The following AMOTL1 variants were observed in gnomAD, a reference collection of about 807,000 sequenced individuals.
AMOTL1 encodes the protein angiomotin like 1.
A neutral mutation model predicts 102.9 loss-of-function variants in AMOTL1; 45 were observed. That is an observed-to-expected ratio of 0.44 (90% CI 0.34 to 0.56). The LOEUF is 0.56. Ranked by LOEUF, AMOTL1 falls within the 20% of genes least tolerant of loss-of-function variation. The pLI, the probability that AMOTL1 is intolerant of heterozygous loss-of-function variation, is 0.01. For synonymous variants in AMOTL1, 481 were observed against 484.7 expected (o/e 0.99, Z 0.10); for missense variants, 1,114 against 1,225.6 (o/e 0.91, Z 1.36).
intron 1 of AMOTL1, among the ~76,000 whole-genome samples, chr11:94,769,527 C>T (rs1950913660): frequency 6.6e-6 from 1 of 152,242 alleles, no homozygotes; most frequent in African/African-American, 2.4e-5. Context: ...GCTCCCGCGC[C>T]TCGCCCACCC....
intron 4 of AMOTL1, among the ~76,000 whole-genome samples, chr11:94,824,409 G>T (rs1359559632): frequency 6.6e-6 from 1 of 152,180 alleles, no homozygotes; most frequent in Middle Eastern, 3.2e-3. Context: ...GACGTTACAT[G>T]AGGACTTACT....
At chr11:94,724,234 A>G (rs1389635314) in intron 1 of AMOTL1, among the ~76,000 whole-genome samples, 1 of 152,142 alleles carries the variant, frequency 6.6e-6, no homozygotes, top group Non-Finnish European at 1.5e-5. Context: ...GACTCACTGA[A>G]GAAGGAGGTC....
chr11:94,764,476 T>G (rs988202481), upstream of AMOTL1, among the ~76,000 whole-genome samples: 23 of 152,216 alleles, frequency 1.5e-4, no homozygotes, highest in African/African-American at 5.3e-4. Flanking sequence ...AGCATTTTGA[T>G]CAAAGCAGCC....
intron 2 of AMOTL1, among the ~76,000 whole-genome samples, chr11:94,795,439 G>A (rs1273689752): frequency 1.3e-5 from 2 of 152,076 alleles, no homozygotes; most frequent in Non-Finnish European, 2.9e-5. Flanking sequence ...GTTTTTCTCT[G>A]ATTCCTAAAT....
intron 2 of AMOTL1, among the ~76,000 whole-genome samples, chr11:94,737,627 C>T (rs988190872): frequency 6.6e-6 from 1 of 152,192 alleles, no homozygotes; most frequent in Non-Finnish European, 1.5e-5. Flanking sequence ...GATCCCAAGG[C>T]CTTCTATAGG....
intron 6 of AMOTL1, among the ~76,000 whole-genome samples, chr11:94,840,612 G>C (rs993481215): frequency 6.9e-6 from 1 of 145,678 alleles, no homozygotes; most frequent in Non-Finnish European, 1.5e-5. Flanking sequence ...GGCAAGCTTT[G>C]ATTAAGCCAT....
intron 2 of AMOTL1, among the ~76,000 whole-genome samples, chr11:94,798,139 T>C (rs571333320): frequency 1.1e-4 from 16 of 152,244 alleles, no homozygotes; most frequent in Non-Finnish European, 1.8e-4. Flanking sequence ...TCTTCCCGCC[T>C]GGGGGCCTCG....
intron 8 of AMOTL1, among the ~76,000 whole-genome samples, chr11:94,854,896 T>C (rs1399265779): frequency 1.3e-5 from 2 of 152,206 alleles, no homozygotes; most frequent in Non-Finnish European, 1.5e-5. Flanking sequence ...CTATTCCTGC[T>C]GCCTGTCCTT....
chr11:94,741,291 G>A (rs1262911347), intron 3 of AMOTL1, among the ~76,000 whole-genome samples: 1 of 152,070 alleles, frequency 6.6e-6, no homozygotes, highest in East Asian at 1.9e-4. Flanking sequence ...GTGCTGCTCC[G>A]AGGAGCCTGG....
chr11:94,710,007 C>T lies in AMOTL1; in HGVS notation c.-51+3410C>T, dbSNP rs939989238. On this transcript the variant is annotated intron_variant, in intron 1 of 4. Coordinates refer to the AMOTL1 transcript ENST00000299004. ...AGACTCATTTACTAACTCGTTTTAC[C>T]GTTATAATAAAATCAGGGAAAAAAC... 4.8e-4 allele frequency among the ~76,000 whole-genome samples: 73 copies of T among 152,090 alleles called. 1 individual carries two copies. Among genetic ancestry groups the T allele is most frequent in the Admixed American group, 3.6e-3 (55 of 15,264 alleles).
intron 2 of AMOTL1, chr11:94,740,813 G>A: frequency 1.4e-6 from 1 of 723,006 alleles, no homozygotes; most frequent in Non-Finnish European, 2.1e-6. Flanking sequence ...CCGGCTCAGG[G>A]ATTCTGAGCG....
At chr11:94,823,347 C>T (rs1243088536) in intron 4 of AMOTL1, among the ~76,000 whole-genome samples, 6 of 152,222 alleles carry the variant, frequency 3.9e-5, no homozygotes, top group Admixed American at 1.3e-4. Flanking sequence ...AGACAGGGGC[C>T]GCCTAAAGAT....
chr11:94,719,862 C>A (rs1225495074), intron 1 of AMOTL1, among the ~76,000 whole-genome samples: 1 of 152,126 alleles, frequency 6.6e-6, no homozygotes, highest in African/African-American at 2.4e-5. Flanking sequence ...TCAACTGTGG[C>A]TCCACATTAG....
At position 94,876,416 on chromosome 11, in the gene AMOTL1, C is replaced by T. The variant is rs541778992; in HGVS notation, c.*5621C>T. 1.3e-5 allele frequency: 2 copies of T among 152,726 alleles called. No homozygotes were observed. Among genetic ancestry groups the T allele is most frequent in the South Asian group, 2.1e-4 (1 of 4,828 alleles). 9.5% of individuals were successfully genotyped at this position (152,726 alleles called of 1,614,324 possible). On this transcript the variant is annotated 3_prime_UTR_variant, in exon 13 of 13. Transcript: ENST00000433060. ...GTGCTTGGTGGCAGTGTGCCGTGCTCGTGCCGGCTCTTCCCAGCAGACTGG... is the reference window on the plus strand; with the variant it reads ...GTGCTTGGTGGCAGTGTGCCGTGCTTGTGCCGGCTCTTCCCAGCAGACTGG...
At chr11:94,795,707 T>TA (rs1338365914) in intron 2 of AMOTL1, among the ~76,000 whole-genome samples, 4 of 152,236 alleles carry the variant, frequency 2.6e-5, no homozygotes, top group African/African-American at 7.2e-5. Flanking sequence ...ATCTCTCTCT[T>TA]ACTTCAGTGA....
chr11:94,741,368 G>C (rs1291488249), intron 3 of AMOTL1, among the ~76,000 whole-genome samples: 2 of 152,158 alleles, frequency 1.3e-5, no homozygotes, highest in South Asian at 4.1e-4. Context: ...ACACAGCGGC[G>C]ACTGGTTCTG....
chr11:94,803,742 A>G (rs758831595), intron 3 of AMOTL1, among the ~76,000 whole-genome samples: 7 of 152,224 alleles, frequency 4.6e-5, no homozygotes, highest in Non-Finnish European at 1.0e-4. Context: ...GGGATGATCT[A>G]ATTTTTATCA....
intron 3 of AMOTL1, among the ~76,000 whole-genome samples, chr11:94,741,724 T>A (rs2135478502): frequency 6.6e-6 from 1 of 152,172 alleles, no homozygotes; most frequent in East Asian, 1.9e-4. Flanking sequence ...CTCTCTTTTT[T>A]TTTTCTTCTG....
rs373487771 is a variant in AMOTL1, at chr11:94,828,474, A to G, written c.1414-1576A>G. ...ATCAGAGTTATAATCTTCCTTCCCC[A>G]GTATCTCTCACCCCCACTAAGCCTC... On this transcript the variant is annotated intron_variant, in intron 4 of 12. Coordinates refer to ENST00000433060, the MANE Select transcript of AMOTL1 (RefSeq NM_130847.3). Among the ~76,000 whole-genome samples the G allele has an allele frequency of 1.3e-3, 203 of 152,028 alleles. 1 individual carries two copies. Among genetic ancestry groups the G allele is most frequent in the African/African-American group, 4.5e-3 (186 of 41,468 alleles).
Sources: allele counts gnomAD v4.1 joint callset (sites outside exome capture counted in the v4.1 genomes callset), GRCh38; gene constraint gnomAD v4.1.1; transcripts MANE v1.5; gene names NCBI Gene and HGNC (gene_info 2026-07-23, HGNC 2026-07-21).